The following ARL15 variants were observed in gnomAD, a reference collection of about 807,000 sequenced individuals.
ARL15 encodes ARF like GTPase 15, also known as ADP-ribosylation factor-like protein 15.
ARL15 carries 19 observed loss-of-function variants against 25.2 expected under a neutral mutation model. The ratio of observed to expected loss-of-function variants is 0.75; its 90% CI spans 0.53 to 1.10. The LOEUF is 1.10. ARL15 is among the 50% of genes least tolerant of loss of function. The pLI is 0.00. For missense variants in ARL15, 220 were observed against 246.0 expected (o/e 0.89, Z 0.71); for synonymous variants, 94 against 86.8 (o/e 1.08, Z -0.46).
chr5:53,908,073 GGTTT>G (rs1745330523), intron 4 of ARL15, among the ~76,000 whole-genome samples: 5 of 152,080 alleles, frequency 3.3e-5, no homozygotes, highest in Admixed American at 3.3e-4. Flanking sequence ...CGCTTTCCGT[GGTTT>G]CATTTTCCTT....
intron 4 of ARL15, among the ~76,000 whole-genome samples, chr5:54,002,129 T>C (rs1319510050): frequency 3.3e-5 from 5 of 149,390 alleles, no homozygotes; most frequent in Non-Finnish European, 7.4e-5. Flanking sequence ...AACAGTTTTC[T>C]TTTTCCCATT....
intron 1 of ARL15, among the ~76,000 whole-genome samples, chr5:54,234,780 A>T (rs1756760070): frequency 6.6e-6 from 1 of 152,344 alleles, no homozygotes; most frequent in Non-Finnish European, 1.5e-5. Flanking sequence ...AGAACACAAA[A>T]TAAATTTATT....
At chr5:54,059,185 CT>C (rs1750985994) in intron 4 of ARL15, among the ~76,000 whole-genome samples, 1 of 152,078 alleles carries the variant, frequency 6.6e-6, no homozygotes, top group African/African-American at 2.4e-5. Flanking sequence ...CTGTCTTAGC[CT>C]AATAGAAACA....
intron 4 of ARL15, among the ~76,000 whole-genome samples, chr5:53,957,045 G>A (rs1747183675): frequency 6.6e-6 from 1 of 151,844 alleles, no homozygotes; most frequent in Non-Finnish European, 1.5e-5. Context: ...AAGAAATAAT[G>A]GCTAAAAACT....
At chr5:54,047,884 T>A (rs899265393) in intron 4 of ARL15, 4 of 152,204 alleles carry the variant, frequency 2.6e-5, no homozygotes, top group African/African-American at 9.7e-5. Flanking sequence ...ATTCTAATGG[T>A]ATGATGATTT....
intron 1 of ARL15, among the ~76,000 whole-genome samples, chr5:54,307,406 T>C (rs776952927): frequency 2.3e-4 from 35 of 152,202 alleles, no homozygotes; most frequent in Non-Finnish European, 2.9e-5. Context: ...TAACTATTAA[T>C]ACATGCCAGA....
intron 4 of ARL15, among the ~76,000 whole-genome samples, chr5:53,947,167 G>GGGGTGTGTGTGTGT (rs752822788): frequency 3.0e-4 from 37 of 123,698 alleles, no homozygotes; most frequent in Non-Finnish European, 4.2e-4. Context: ...AATAAATAAG[G>GGGGTGTGTGTGTGT]GTGTGTGTGT....
intron 1 of ARL15, among the ~76,000 whole-genome samples, chr5:54,187,773 G>T (rs1435685218): frequency 6.6e-6 from 1 of 152,202 alleles, no homozygotes; most frequent in Non-Finnish European, 1.5e-5. Context: ...GCAAATGCCT[G>T]GCAGTTCTTA....
At position 53,989,576 on chromosome 5, in the gene ARL15, GGTGTGTGTGT is replaced by G. The variant is rs34198507; in HGVS notation, c.463-102873_463-102864del. 2.0e-5 allele frequency among the ~76,000 whole-genome samples: 3 copies of G among 149,496 alleles called. No individual in the cohort carries two copies. In the East Asian group the frequency reaches 6.0e-4, roughly 30 times the overall value. ...TCTCAACAAACCCTTACCAGGGAGG[GGTGTGTGTGT>G]GTGTGTGTGTGTGTATGGGTGTGTG... On this transcript the variant is annotated intron_variant, in intron 4 of 4. Transcript: ENST00000504924.
chr5:54,256,367 T>C (rs1280141082), intron 1 of ARL15, among the ~76,000 whole-genome samples: 2 of 75,162 alleles, frequency 2.7e-5, no homozygotes, highest in Non-Finnish European at 5.5e-5. Flanking sequence ...CAGGAAGAAA[T>C]AGAAATCCTG....
chr5:53,910,324 T>C (rs76774287), intron 4 of ARL15, among the ~76,000 whole-genome samples: 3 of 152,172 alleles, frequency 2.0e-5, no homozygotes, highest in African/African-American at 7.2e-5. Flanking sequence ...TATCCTTGAA[T>C]GAAGTTCAAG....
intron 1 of ARL15, among the ~76,000 whole-genome samples, chr5:54,207,668 G>A (rs1269612665): frequency 2.0e-5 from 3 of 152,288 alleles, no homozygotes; most frequent in African/African-American, 7.2e-5. Context: ...AACTGGTCCA[G>A]CAGACAAGAA....
intron 4 of ARL15, among the ~76,000 whole-genome samples, chr5:54,000,857 C>T (rs1156630933): frequency 1.3e-5 from 2 of 152,116 alleles, no homozygotes; most frequent in African/African-American, 4.8e-5. Flanking sequence ...TCACAGGAAT[C>T]ACCCCTGTAC....
chr5:54,280,836 T>C, intron 1 of ARL15, among the ~76,000 whole-genome samples: 1 of 152,106 alleles, frequency 6.6e-6, no homozygotes, highest in Non-Finnish European at 1.5e-5. Flanking sequence ...CCTAGGCCTC[T>C]AAAGGGAAAA....
At chr5:54,266,168 A>C (rs1028223634) in intron 1 of ARL15, among the ~76,000 whole-genome samples, 5 of 152,236 alleles carry the variant, frequency 3.3e-5, no homozygotes, top group Admixed American at 6.5e-5. Context: ...CACTAGTCCC[A>C]GAGTCATAGC....
chr5:54,068,391 G>C (rs1751313137), intron 4 of ARL15, among the ~76,000 whole-genome samples: 1 of 152,214 alleles, frequency 6.6e-6, no homozygotes, highest in South Asian at 2.1e-4. Context: ...ATAGTCTCTA[G>C]AAAGTCAACG....
At chr5:54,224,461 GACTGATTAATTGATTTC>G (rs1348604618) in intron 1 of ARL15, among the ~76,000 whole-genome samples, 1 of 152,170 alleles carries the variant, frequency 6.6e-6, no homozygotes, top group Non-Finnish European at 1.5e-5. Context: ...TTAATCAGTT[GACTGATTAATTGATTTC>G]ACATCCACTA....
At chr5:53,996,799 G>C (rs182327507) in intron 4 of ARL15, among the ~76,000 whole-genome samples, 71 of 152,254 alleles carry the variant, frequency 4.7e-4, no homozygotes, top group African/African-American at 1.7e-3. Flanking sequence ...CTGATCCAAA[G>C]AGACCCTAGA....
At chr5:53,972,492 C>T (rs550576139) in intron 4 of ARL15, among the ~76,000 whole-genome samples, 2 of 152,096 alleles carry the variant, frequency 1.3e-5, no homozygotes, top group South Asian at 4.2e-4. Flanking sequence ...TTAATCTTTC[C>T]GGGTCTTAGT....
Sources: allele counts gnomAD v4.1 joint callset (sites outside exome capture counted in the v4.1 genomes callset), GRCh38; gene constraint gnomAD v4.1.1; transcripts MANE v1.5; gene names NCBI Gene and HGNC (gene_info 2026-07-23, HGNC 2026-07-21).